Variants in AP5M1 observed in about 807,000 individuals in gnomAD.
The protein encoded by AP5M1 is adaptor related protein complex 5 subunit mu 1.
In AP5M1, 44 loss-of-function variants were observed where a neutral mutation model predicts 52.3. The ratio of observed to expected loss-of-function variants is 0.84; its 90% CI spans 0.66 to 1.08. The LOEUF (loss-of-function observed/expected upper bound fraction) is 1.08. Ranked by LOEUF, AP5M1 falls within the 50% of genes least tolerant of loss-of-function variation. The pLI is 0.00. For synonymous variants in AP5M1, 213 were observed against 199.0 expected (o/e 1.07, Z -0.59); for missense variants, 526 against 568.4 (o/e 0.93, Z 0.76).
chr14:57,271,589 C>G (rs1822202407), intron 1 of AP5M1, among the ~76,000 whole-genome samples: 1 of 152,012 alleles, frequency 6.6e-6, no homozygotes, highest in South Asian at 2.1e-4. Context: ...AGTCCTATGT[C>G]ATTTTTAGAT....
chr14:57,269,307 AC>A lies in AP5M1; in HGVS notation c.-7del. ...TATGAGATGAGCTAATGCTTTACTG[AC>A]TTAACCATGGCGCAGCGGGCAGTGT... is the stretch of plus-strand genomic sequence containing the variant. On this transcript the variant is annotated 5_prime_UTR_variant, in exon 1 of 8. Coordinates refer to ENST00000261558, the MANE Select transcript of AP5M1 (RefSeq NM_018229.4). The A allele has an allele frequency of 1.2e-6, 2 of 1,613,976 alleles. No individual in the cohort carries two copies. Among genetic ancestry groups the A allele is most frequent in the Non-Finnish European group, 8.5e-7 (1 of 1,179,958 alleles).
chr14:57,272,473 C>T (rs907780935), intron 1 of AP5M1, among the ~76,000 whole-genome samples: 1 of 152,124 alleles, frequency 6.6e-6, no homozygotes, highest in East Asian at 1.9e-4. Context: ...TGGCTTAGGT[C>T]GGTATCATAC....
At chr14:57,276,997 G>A (rs1259356130) in intron 2 of AP5M1, among the ~76,000 whole-genome samples, 1 of 152,128 alleles carries the variant, frequency 6.6e-6, no homozygotes, top group Non-Finnish European at 1.5e-5. Flanking sequence ...ATCCTACTCG[G>A]TAGAAAACCA....
Position 57,274,589 on chromosome 14 carries a change from T to C in AP5M1, c.420T>C (p.Asp140=). The C allele has an allele frequency of 6.2e-7, 1 of 1,614,182 alleles. No individual in the cohort carries two copies. Among genetic ancestry groups the C allele is most frequent in the Non-Finnish European group, 8.5e-7 (1 of 1,180,012 alleles). ...TTGAATTTCTTTTTGGGATACAGGA[T>C]TTTCTTTATTCAGGTCAAAAAAATG... ...QGFEFLFGIQ[D]FLYSGQKNDS... is the part of the protein sequence containing the mutation. The change falls in exon 2 of 8, where the codon GAT becomes GAC. Residue 140 remains aspartate (D), a synonymous_variant. Coordinates refer to ENST00000261558, the MANE Select transcript of AP5M1 (RefSeq NM_018229.4).
At position 57,290,478 on chromosome 14, in the gene AP5M1, C is replaced by T. The variant is rs1885413552; in HGVS notation, c.*1594C>T. ...GTTGATAAGTTAATGGTAATGGAGC[C>T]ATTTGGAATCTTGATTGTATAAATG... On this transcript the variant is annotated 3_prime_UTR_variant, in exon 8 of 8. Transcript: ENST00000261558. 6.6e-6 allele frequency: 1 copy of T among 151,832 alleles called. No individual in the cohort carries two copies. Among genetic ancestry groups the T allele is most frequent in the African/African-American group, 2.4e-5 (1 of 41,358 alleles). The allele number at this position is 151,832 out of a possible 1,614,324, so 9.4% of individuals were successfully genotyped here.
In AP5M1 at chr14:57,280,383, A is replaced by C; in HGVS notation, c.909A>C (p.Pro303=). 6.2e-7 allele frequency: 1 copy of C among 1,613,732 alleles called. No homozygotes were observed. Among genetic ancestry groups the C allele is most frequent in the Non-Finnish European group, 8.5e-7 (1 of 1,179,662 alleles). Residue 303 remains proline (P), a synonymous_variant, in exon 3 of 8, where the codon CCA becomes CCC. Transcript: ENST00000261558. The part of the protein sequence containing the change: ...FSGPYKFPFT[P]PLESFNLCFY... ...GGCCTTACAAATTTCCATTCACTCCACCTTTAGAGTCATTCAACTTATGCT... is the reference window on the plus strand; with the variant it reads ...GGCCTTACAAATTTCCATTCACTCCCCCTTTAGAGTCATTCAACTTATGCT...
chr14:57,296,586 A>T lies in AP5M1; in HGVS notation c.*7702A>T, dbSNP rs1885557481. On this transcript the variant is annotated 3_prime_UTR_variant, in exon 8 of 8. Coordinates refer to ENST00000261558, the MANE Select transcript of AP5M1 (RefSeq NM_018229.4). ...AGTAGAAGTGGTTAGTAATATTTGTAGCTTGTTAACCAACTGGAGCAAAAG... is the reference window on the plus strand; with the variant it reads ...AGTAGAAGTGGTTAGTAATATTTGTTGCTTGTTAACCAACTGGAGCAAAAG... 6.6e-6 allele frequency: 1 copy of T among 152,120 alleles called. No homozygotes were observed. Among genetic ancestry groups the T allele is most frequent in the Non-Finnish European group, 1.5e-5 (1 of 67,984 alleles). 9.4% of individuals were successfully genotyped at this position (152,120 alleles called of 1,614,324 possible).
At chr14:57,285,960 T>G (rs1046519814) in intron 6 of AP5M1, among the ~76,000 whole-genome samples, 5 of 152,148 alleles carry the variant, frequency 3.3e-5, no homozygotes, top group African/African-American at 1.2e-4. Context: ...ATTAGAGCTG[T>G]TAGTGAAGTG....
intron 6 of AP5M1, among the ~76,000 whole-genome samples, chr14:57,285,517 G>A (rs1218908466): frequency 1.3e-5 from 2 of 151,814 alleles, no homozygotes; most frequent in East Asian, 3.9e-4. Flanking sequence ...TTTATTATCA[G>A]AGATAATTTG....
At chr14:57,280,699 AAGTT>A (rs1475750943) in intron 3 of AP5M1, among the ~76,000 whole-genome samples, 1 of 151,998 alleles carries the variant, frequency 6.6e-6, no homozygotes, top group Non-Finnish European at 1.5e-5. Flanking sequence ...AAAATACAAA[AAGTT>A]AGCCAGGCGT....
chr14:57,280,647 C>T (rs1027691030), intron 3 of AP5M1, among the ~76,000 whole-genome samples: 15 of 152,018 alleles, frequency 9.9e-5, no homozygotes, highest in Non-Finnish European at 1.9e-4. Flanking sequence ...GTCAGGAGTT[C>T]GAGGCCAGCC....
At position 57,280,398 on chromosome 14, in the gene AP5M1, C is replaced by T; in HGVS notation, c.924C>T (p.Phe308=). Residue 308 remains phenylalanine (F), a synonymous_variant, in exon 3 of 8, where the codon TTC becomes TTT. Coordinates refer to ENST00000261558, the MANE Select transcript of AP5M1 (RefSeq NM_018229.4). ...CATTCACTCCACCTTTAGAGTCATT[C>T]AACTTATGCTTCTACACTTCCCAGG... ...KFPFTPPLES[F]NLCFYTSQVP... 6.2e-7 allele frequency: 1 copy of T among 1,612,566 alleles called. No individual in the cohort carries two copies. The highest frequency in any genetic ancestry group is 1.1e-5 in the South Asian group (1 of 91,052).
intron 3 of AP5M1, 119 bp from the exon 4 acceptor site, chr14:57,281,970 G>T: frequency 1.2e-6 from 1 of 833,444 alleles, no homozygotes; most frequent in Non-Finnish European, 1.8e-6. Context: ...CATCATTGCT[G>T]TTACCAAAAC....
At chr14:57,275,126 C>G (rs1307098606) in intron 2 of AP5M1, 1 of 529,148 alleles carries the variant, frequency 1.9e-6, no homozygotes, top group South Asian at 2.1e-5. Context: ...TTATTATTTT[C>G]ATAGTTTCTG....
In AP5M1 at chr14:57,289,454, ATAG is replaced by A. The variant is rs981917801; in HGVS notation, c.*573_*575del. On this transcript the variant is annotated 3_prime_UTR_variant, in exon 8 of 8. Transcript: ENST00000261558. ...ACAGAGACAAAGGAAAAGTGTTTAAATAGTAAGCTGTTCTTCTTAATCAGAACT... is the reference window on the plus strand; with the variant it reads ...ACAGAGACAAAGGAAAAGTGTTTAAATAAGCTGTTCTTCTTAATCAGAACT... The A allele has an allele frequency of 6.6e-6, 1 of 152,104 alleles. No homozygotes were observed. Among genetic ancestry groups the A allele is most frequent in the Non-Finnish European group, 1.5e-5 (1 of 68,004 alleles). 9.4% of individuals were successfully genotyped at this position (152,104 alleles called of 1,614,324 possible). A position where few individuals can be genotyped will look rare whatever the true frequency, so the allele number is the denominator to read the frequency against.
In AP5M1 at chr14:57,286,323, A is replaced by G; in HGVS notation, c.1390+4A>G. ...GGAAAACCAAAAATAAGTGCACGTAAGTTACACAGATTCAAACTAACTTAA... is the reference window on the plus strand; with the variant it reads ...GGAAAACCAAAAATAAGTGCACGTAGGTTACACAGATTCAAACTAACTTAA... On this transcript the variant is annotated splice_donor_region_variant and intron_variant, in intron 7 of 7. Transcript: ENST00000261558. The G allele has an allele frequency of 6.3e-7, 1 of 1,575,544 alleles. No homozygotes were observed. The highest frequency in any genetic ancestry group is 1.1e-5 in the South Asian group (1 of 90,016).
rs1314311113 is a variant in AP5M1, at chr14:57,292,552, C to T, written c.*3668C>T. 1 of 151,792 alleles carries T rather than the reference C, an allele frequency of 6.6e-6. No individual in the cohort carries two copies. Among genetic ancestry groups the T allele is most frequent in the African/African-American group, 2.4e-5 (1 of 41,390 alleles). 9.4% of individuals were successfully genotyped at this position (151,792 alleles called of 1,614,324 possible). A position where few individuals can be genotyped will look rare whatever the true frequency, so the allele number is the denominator to read the frequency against. ...TTCTTACGTAATAGAACAAACATTT[C>T]TTTTTGCTTCGCCTAACAATGATAT... On this transcript the variant is annotated 3_prime_UTR_variant, in exon 8 of 8. Coordinates refer to ENST00000261558, the MANE Select transcript of AP5M1 (RefSeq NM_018229.4).
chr14:57,275,453 GAAGAGAGAAGAGAA>G (rs1475672712), intron 2 of AP5M1: 10 of 151,048 alleles, frequency 6.6e-5, no homozygotes, highest in African/African-American at 2.5e-4. Flanking sequence ...AGAAGAGAGA[GAAGAGAGAAGAGAA>G]AAGAGAGAGG....
chr14:57,280,144 CAG>C, intron 2 of AP5M1, 49 bp from the exon 3 acceptor site: 2 of 1,370,966 alleles, frequency 1.5e-6, no homozygotes, highest in East Asian at 2.3e-5. Flanking sequence ...AAGCCTCAAA[CAG>C]ACATTTGCTT....
Sources: gnomAD v4.1 joint callset for allele counts (sites outside exome capture counted in the v4.1 genomes callset) on GRCh38, gnomAD v4.1.1 for gene constraint, MANE v1.5 for transcripts, NCBI Gene and HGNC (gene_info 2026-07-23, HGNC 2026-07-21) for gene names.